TOX2: variants seen among roughly 807,000 people sequenced by gnomAD.
TOX2 encodes the protein TOX high mobility group box family member 2.
Under a neutral mutation model 47.4 loss-of-function variants are expected in TOX2, and 15 were observed. The observed-to-expected ratio is 0.32, with a 90% CI of 0.21 to 0.49. TOX2 has a LOEUF of 0.49. Ranked by LOEUF, TOX2 falls within the 20% of genes least tolerant of loss-of-function variation. TOX2 has a pLI of 0.99. For missense variants in TOX2, 622 were observed against 673.1 expected (o/e 0.92, Z 0.84); for synonymous variants, 290 against 296.6 (o/e 0.98, Z 0.23).
intron 3 of TOX2, among the ~76,000 whole-genome samples, chr20:44,037,242 T>A (rs2071255952): frequency 6.6e-6 from 1 of 152,188 alleles, no homozygotes; most frequent in Admixed American, 6.5e-5. Flanking sequence ...GCATGAGCCA[T>A]GGCGCCCAGT....
chr20:43,944,053 T>C (rs1444773022), intron 1 of TOX2, among the ~76,000 whole-genome samples: 1 of 152,246 alleles, frequency 6.6e-6, no homozygotes, highest in Non-Finnish European at 1.5e-5. Context: ...TGTTTCTAAA[T>C]CTTTGGTATG....
In TOX2 at chr20:44,006,655, T is replaced by C. The variant is rs747682489; in HGVS notation, c.274T>C (p.Tyr92His). 1 of 1,614,098 alleles carries C rather than the reference T, an allele frequency of 6.2e-7. No homozygotes were observed. Among genetic ancestry groups the C allele is most frequent in the East Asian group, 2.2e-5 (1 of 44,874 alleles). ...LLHLGDHEAS[Y>H]HSLCHGLTPN... Reference sequence around the variant, plus strand: ...GCACCTGGGGGACCACGAAGCCAGCTACCACTCGCTGTGCCACGGCCTCAC... The same window carrying C: ...GCACCTGGGGGACCACGAAGCCAGCCACCACTCGCTGTGCCACGGCCTCAC... Residue 92 changes from tyrosine to histidine, a missense_variant, in exon 3 of 9, where the codon TAC becomes CAC. This residue lies in a region of TOX2 where 307 missense variants were observed against 327.3 expected (regional missense o/e 0.94). Coordinates refer to ENST00000341197, the MANE Select transcript of TOX2 (RefSeq NM_001098797.2).
In TOX2 at chr20:43,916,133, C is replaced by T. The variant is rs571322255; in HGVS notation, c.99+1143C>T. The T allele has an allele frequency of 3.1e-5, 31 of 985,522 alleles. No homozygotes were observed. Among genetic ancestry groups the T allele is most frequent in the Non-Finnish European group, 3.6e-5 (30 of 829,962 alleles). 61.0% of individuals were successfully genotyped at this position (985,522 alleles called of 1,614,324 possible). On this transcript the variant is annotated intron_variant, in intron 1 of 8. Transcript: ENST00000341197. The surrounding 1 kb of genome is among the most constrained non-coding windows in gnomAD (Gnocchi z 5.0). Reference sequence around the variant, plus strand: ...GAGCCAAGCGCGGGTTTTCGTCACTCGGAGCCCGGATTGAACAGCGCGCGT... The same window carrying T: ...GAGCCAAGCGCGGGTTTTCGTCACTTGGAGCCCGGATTGAACAGCGCGCGT...
chr20:43,928,092 G>A (rs899499330), intron 1 of TOX2, among the ~76,000 whole-genome samples: 9 of 152,148 alleles, frequency 5.9e-5, no homozygotes, highest in African/African-American at 2.2e-4. Flanking sequence ...AAGTGAAGAA[G>A]GTAGGGAAAA....
intron 3 of TOX2, among the ~76,000 whole-genome samples, chr20:44,034,068 C>G (rs950999235): frequency 6.6e-6 from 1 of 152,204 alleles, no homozygotes. Flanking sequence ...TCTGGATACC[C>G]CTTTATCCTT....
At chr20:44,002,977 T>C (rs529241778) in intron 2 of TOX2, among the ~76,000 whole-genome samples, 1 of 152,172 alleles carries the variant, frequency 6.6e-6, no homozygotes, top group African/African-American at 2.4e-5. Flanking sequence ...CCAAACTGTA[T>C]CAGAGGGTAA....
intron 1 of TOX2, among the ~76,000 whole-genome samples, chr20:43,932,779 C>CG (rs1555830039): frequency 9.3e-5 from 13 of 139,462 alleles, no homozygotes; most frequent in Non-Finnish European, 1.3e-4. Context: ...TTGCTGCCCC[C>CG]CCCCGCCATT....
chr20:43,997,345 C>G (rs1398787487), intron 2 of TOX2, among the ~76,000 whole-genome samples: 1 of 152,142 alleles, frequency 6.6e-6, no homozygotes, highest in Non-Finnish European at 1.5e-5. Flanking sequence ...ATCACAATCA[C>G]AGTGGAAATT....
chr20:44,039,692 C>G (rs1363049804), intron 3 of TOX2, among the ~76,000 whole-genome samples: 2 of 152,200 alleles, frequency 1.3e-5, no homozygotes, highest in Non-Finnish European at 2.9e-5. Flanking sequence ...GCTGTGGACC[C>G]TCTGAAAGAC....
intron 3 of TOX2, among the ~76,000 whole-genome samples, chr20:44,030,384 C>T (rs1476100351): frequency 6.6e-6 from 1 of 152,224 alleles, no homozygotes; most frequent in East Asian, 1.9e-4. Flanking sequence ...GCTGGCCTTT[C>T]TGAAATACAA....
intron 1 of TOX2, among the ~76,000 whole-genome samples, chr20:43,949,419 G>T (rs138540178): frequency 6.6e-6 from 1 of 152,142 alleles, no homozygotes; most frequent in African/African-American, 2.4e-5. Flanking sequence ...CACCTGATGC[G>T]CACATCCCTC....
At chr20:43,945,637 C>T (rs572852496) in intron 1 of TOX2, 5 of 366,870 alleles carry the variant, frequency 1.4e-5, no homozygotes, top group South Asian at 8.2e-5. Flanking sequence ...CCACAAATGA[C>T]GTGGAGCCGC....
At chr20:43,935,141 C>T (rs568936781) in intron 1 of TOX2, among the ~76,000 whole-genome samples, 4 of 152,082 alleles carry the variant, frequency 2.6e-5, no homozygotes, top group Non-Finnish European at 5.9e-5. Context: ...CAGATGAAGA[C>T]AGATTGGGCT....
intron 1 of TOX2, among the ~76,000 whole-genome samples, chr20:43,935,470 G>A (rs1308444713): frequency 2.6e-5 from 4 of 152,194 alleles, no homozygotes; most frequent in Non-Finnish European, 5.9e-5. Flanking sequence ...ACTGTTCAGT[G>A]AATACCTACT....
At chr20:43,956,553 T>G (rs2145411850) in intron 1 of TOX2, among the ~76,000 whole-genome samples, 1 of 134,076 alleles carries the variant, frequency 7.5e-6, no homozygotes, top group Admixed American at 7.7e-5. Flanking sequence ...AGTAAGGTTC[T>G]ATCTTTAAAA....
chr20:43,957,201 T>G (rs1392072636), intron 1 of TOX2, among the ~76,000 whole-genome samples: 1 of 152,254 alleles, frequency 6.6e-6, no homozygotes, highest in East Asian at 1.9e-4. Flanking sequence ...TATGTTTAAC[T>G]CTTTAATCCA....
chr20:43,976,635 A>G (rs1474517826), intron 2 of TOX2, among the ~76,000 whole-genome samples: 1 of 152,238 alleles, frequency 6.6e-6, no homozygotes, highest in Non-Finnish European at 1.5e-5. Context: ...GATTTTGTTG[A>G]AAAATAACTT....
chr20:44,069,181 A>G lies in TOX2; in HGVS notation c.*495A>G. On this transcript the variant is annotated 3_prime_UTR_variant, in exon 9 of 9. Coordinates refer to ENST00000341197, the MANE Select transcript of TOX2 (RefSeq NM_001098797.2). Reference sequence around the variant, plus strand: ...TAAGTAGTTGACTACGTGTTTTAGAACTGTGCTGAAGACATCTGTAAGACT... The same window carrying G: ...TAAGTAGTTGACTACGTGTTTTAGAGCTGTGCTGAAGACATCTGTAAGACT... 1 of 336,930 alleles carries G rather than the reference A, an allele frequency of 3.0e-6. No homozygotes were observed. The highest frequency in any genetic ancestry group is 2.4e-5 in the South Asian group (1 of 42,238). 20.9% of individuals were successfully genotyped at this position (336,930 alleles called of 1,614,324 possible).
intron 1 of TOX2, among the ~76,000 whole-genome samples, chr20:43,940,526 T>G (rs1264405583): frequency 1.0e-5 from 1 of 98,346 alleles, no homozygotes; most frequent in African/African-American, 6.0e-5. Flanking sequence ...ACCTGGCAAC[T>G]TTTTTTTTTT....
Sources: allele counts gnomAD v4.1 joint callset (sites outside exome capture counted in the v4.1 genomes callset), GRCh38; gene constraint gnomAD v4.1.1; regional missense constraint gnomAD v4.1.1; non-coding constraint Gnocchi (gnomAD v3.1); transcripts MANE v1.5; gene names NCBI Gene and HGNC (gene_info 2026-07-23, HGNC 2026-07-21).